MYO5A: variants seen among roughly 807,000 people sequenced by gnomAD.
MYO5A encodes unconventional myosin-Va.
In MYO5A, 98 loss-of-function variants were observed where a neutral mutation model predicts 249.7. That is an observed-to-expected ratio of 0.39 (90% CI 0.33 to 0.46). The LOEUF (loss-of-function observed/expected upper bound fraction) is 0.46. MYO5A is among the 20% of genes least tolerant of loss of function. The probability of loss-of-function intolerance (pLI) is 0.98; values close to 1 mark genes in which losing one functional copy is unlikely to be tolerated. For synonymous variants in MYO5A, 778 were observed against 810.6 expected (o/e 0.96, Z 0.68); for missense variants, 1,696 against 2,308.8 (o/e 0.73, Z 5.44).
At chr15:52,488,048 T>A (rs1027869434) in intron 1 of MYO5A, among the ~76,000 whole-genome samples, 1 of 152,216 alleles carries the variant, frequency 6.6e-6, no homozygotes, top group Non-Finnish European at 1.5e-5. Flanking sequence ...TCTTAACTTC[T>A]ACATAGTACT....
chr15:52,511,327 AT>A (rs1315975287), intron 1 of MYO5A, among the ~76,000 whole-genome samples: 9 of 152,240 alleles, frequency 5.9e-5, no homozygotes, highest in African/African-American at 2.2e-4. Context: ...CATTAACTAA[AT>A]AACTCCTTTT....
At chr15:52,368,465 ATAAATGCTC>A (rs2040926608) in intron 22 of MYO5A, among the ~76,000 whole-genome samples, 1 of 152,214 alleles carries the variant, frequency 6.6e-6, no homozygotes, top group Non-Finnish European at 1.5e-5. Flanking sequence ...AGCAGTTTTG[ATAAATGCTC>A]TTGGTTAGGA....
intron 18 of MYO5A, among the ~76,000 whole-genome samples, chr15:52,378,795 T>C (rs571135312): frequency 3.0e-4 from 45 of 152,276 alleles, no homozygotes; most frequent in Admixed American, 2.9e-3. Context: ...TCTCAAAATA[T>C]AGTCCTCAGA....
chr15:52,486,041 T>C lies in MYO5A; in HGVS notation c.27+42739A>G, dbSNP rs527252789. On this transcript the variant is annotated intron_variant, in intron 1 of 41. Transcript: ENST00000399233. ...TCCATAGTAAACGTTTTCATTTTTA[T>C]GAACTGTTTAAATCACATTCCTCTT... 3.9e-5 allele frequency among the ~76,000 whole-genome samples: 6 copies of C among 152,372 alleles called. 1 individual carries two copies. Among genetic ancestry groups the C allele is most frequent in the African/African-American group, 1.4e-4 (6 of 41,598 alleles).
intron 1 of MYO5A, among the ~76,000 whole-genome samples, chr15:52,491,043 A>G (rs991463657): frequency 5.3e-5 from 8 of 152,136 alleles, no homozygotes; most frequent in African/African-American, 1.9e-4. Flanking sequence ...ATATGAATGT[A>G]CTTAACATTA....
At chr15:52,329,351 C>A (rs1206913624) in intron 35 of MYO5A, among the ~76,000 whole-genome samples, 3 of 152,208 alleles carry the variant, frequency 2.0e-5, no homozygotes, top group African/African-American at 7.2e-5. Context: ...ACTGCTGTCA[C>A]CCTGGCACCT....
At chr15:52,465,579 T>C (rs1375651090) in intron 1 of MYO5A, among the ~76,000 whole-genome samples, 1 of 152,094 alleles carries the variant, frequency 6.6e-6, no homozygotes, top group Non-Finnish European at 1.5e-5. Context: ...ATTGCTTGAA[T>C]TCAGGAATTC....
intron 29 of MYO5A, chr15:52,346,737 T>C (rs886955853): frequency 8.1e-6 from 4 of 492,000 alleles, no homozygotes; most frequent in African/African-American, 7.8e-5. Flanking sequence ...ATAAAATCAC[T>C]GATGGGCCAT....
At chr15:52,480,775 A>G (rs2076699359) in intron 1 of MYO5A, among the ~76,000 whole-genome samples, 1 of 152,186 alleles carries the variant, frequency 6.6e-6, no homozygotes, top group African/African-American at 2.4e-5. Flanking sequence ...TATCTCCCCT[A>G]GCTTCAGTCC....
chr15:52,524,819 G>A (rs2246133), intron 1 of MYO5A, among the ~76,000 whole-genome samples: 18,118 of 151,138 alleles, frequency 0.12, 1,328 homozygotes, highest in South Asian at 0.17. Context: ...AGTGAGCCAT[G>A]TTCATTTCAC....
rs778397195 is a variant in MYO5A, at chr15:52,396,407, C to T, written c.1320-10G>A. 1 of 1,475,016 alleles carries T rather than the reference C, an allele frequency of 6.8e-7. No homozygotes were observed. The highest frequency in any genetic ancestry group is 9.4e-7 in the Non-Finnish European group (1 of 1,059,724). 91.4% of individuals were successfully genotyped at this position (1,475,016 alleles called of 1,614,324 possible). On this transcript the variant is annotated splice_polypyrimidine_tract_variant and intron_variant, in intron 10 of 41. Coordinates refer to ENST00000399233, the MANE Select transcript of MYO5A (RefSeq NM_001382347.1). ...CTCAAATGTTTCAAATCTGTAACCA[C>T]AAAAATAATATGAAAAGGGGAGAAA... is the stretch of plus-strand genomic sequence containing the variant.
chr15:52,428,264 T>G, intron 3 of MYO5A, 134 bp downstream of exon 3: 5 of 905,360 alleles, frequency 5.5e-6, no homozygotes. Context: ...TAAATCTTTC[T>G]GATAACGCTC....
At chr15:52,329,668 C>G (rs1175155561) in intron 35 of MYO5A, among the ~76,000 whole-genome samples, 3 of 152,164 alleles carry the variant, frequency 2.0e-5, no homozygotes, top group African/African-American at 7.2e-5. Flanking sequence ...TAAGGAAAAA[C>G]TGAAATTCAG....
At chr15:52,329,058 T>C (rs1332775797) in intron 35 of MYO5A, 2 of 152,220 alleles carry the variant, frequency 1.3e-5, no homozygotes, top group African/African-American at 4.8e-5. Flanking sequence ...ATTTTCTTTA[T>C]TTCTCCCCTG....
At chr15:52,418,848 C>T (rs887875127) in intron 4 of MYO5A, among the ~76,000 whole-genome samples, 5 of 151,952 alleles carry the variant, frequency 3.3e-5, no homozygotes, top group South Asian at 2.1e-4. Context: ...TTTGGTCTGT[C>T]GGGTCTTTCC....
rs752043620 is a variant in MYO5A, at chr15:52,508,721, T to C, written c.27+20059A>G. Among the ~76,000 whole-genome samples, 8 of 152,210 alleles carry C rather than the reference T, an allele frequency of 5.3e-5. No individual in the cohort carries two copies. In the South Asian group the frequency reaches 6.2e-4, roughly 12 times the overall value. On this transcript the variant is annotated intron_variant, in intron 1 of 41. Coordinates refer to ENST00000399233, the MANE Select transcript of MYO5A (RefSeq NM_001382347.1). ...ACCCAAATCTCTAGTCTCAAACTAC[T>C]GTACTTAGCTTTTTATTTTAGGTTT...
chr15:52,439,222 C>G (rs923615657), intron 1 of MYO5A, among the ~76,000 whole-genome samples: 34 of 152,208 alleles, frequency 2.2e-4, no homozygotes, highest in Non-Finnish European at 7.3e-5. Flanking sequence ...TTGGAAGTGG[C>G]CTGCCACCAT....
intron 30 of MYO5A, among the ~76,000 whole-genome samples, 180 bp from the exon 31 acceptor site, chr15:52,343,377 CAT>C (rs1218478233): frequency 1.3e-5 from 2 of 152,292 alleles, no homozygotes; most frequent in South Asian, 2.1e-4. Context: ...AAATGAGTAA[CAT>C]GTAGCATCAC....
At chr15:52,330,604 T>C in intron 34 of MYO5A, 105 bp from the exon 35 acceptor site, 1 of 1,315,270 alleles carries the variant, frequency 7.6e-7, no homozygotes, top group Non-Finnish European at 1.1e-6. Flanking sequence ...AACCGAAACT[T>C]GCCATATTTG....
Sources: allele counts gnomAD v4.1 joint callset (sites outside exome capture counted in the v4.1 genomes callset), GRCh38; gene constraint gnomAD v4.1.1; transcripts MANE v1.5; gene names NCBI Gene and HGNC (gene_info 2026-07-23, HGNC 2026-07-21).